Variants in PRH1 observed in about 807,000 individuals in gnomAD.
PRH1 encodes salivary acidic proline-rich phosphoprotein 1/2.
Under a neutral mutation model 7.9 loss-of-function variants are expected in PRH1, and 7 were observed. The ratio of observed to expected loss-of-function variants is 0.89; its 90% CI spans 0.50 to 1.67. The LOEUF (loss-of-function observed/expected upper bound fraction) is 1.67, where lower values mean the gene tolerates loss of function less well. PRH1 is among the 40% of genes most tolerant of loss of function. PRH1 has a pLI of 0.00. For missense variants in PRH1, 109 were observed against 223.6 expected (o/e 0.49, Z 3.27); for synonymous variants, 45 against 80.8 (o/e 0.56, Z 2.38).
At chr12:10,972,928 A>ATCCCCCCCCCCCCCCCCCCC (rs1555119295) in intron 2 of PRH1, among the ~76,000 whole-genome samples, 1 of 100,326 alleles carries the variant, frequency 1.0e-5, no homozygotes, top group African/African-American at 3.8e-5. Context: ...AAGCACCACA[A>ATCCCCCCCCCCCCCCCCCCC]CCCACCCCCC....
chr12:11,022,831 T>A lies in PRH1; in HGVS notation c.-126+24189A>T, dbSNP rs532593903. Among the ~76,000 whole-genome samples the A allele has an allele frequency of 5.3e-5, 8 of 151,258 alleles. No individual in the cohort carries two copies. The South Asian group carries it at 1.7e-3, about 31-fold the overall frequency. ...CTTCATATACATTCTCTCCTTGCTATATGCTGTACTTTTTTATACTGAGGT... is the reference window on the plus strand; with the variant it reads ...CTTCATATACATTCTCTCCTTGCTAAATGCTGTACTTTTTTATACTGAGGT... On this transcript the variant is annotated intron_variant, in intron 1 of 3. Transcript: ENST00000539853.
intron 2 of PRH1, chr12:10,908,364 T>C (rs1949836303): frequency 1.3e-6 from 2 of 1,593,226 alleles, no homozygotes; most frequent in Non-Finnish European, 1.7e-6. Context: ...GTGGTCTGAA[T>C]GGCTTATGAA....
Position 10,935,305 on chromosome 12 carries a change from C to G in PRH1, c.-59+38350G>C, listed in dbSNP as rs537734857. 6.7e-3 allele frequency among the ~76,000 whole-genome samples: 1,015 copies of G among 152,124 alleles called. 9 individuals are homozygous for G. The highest frequency in any genetic ancestry group is 0.011 in the Non-Finnish European group (732 of 67,988). ...ATTTTCTAATAATTAATTCTTGCTT[C>G]CTTCATTAATATTTATTAAGCTTAT... On this transcript the variant is annotated intron_variant, in intron 2 of 3. Coordinates refer to the PRH1 transcript ENST00000539853.
chr12:11,009,907 T>C (rs1191770170), intron 1 of PRH1, among the ~76,000 whole-genome samples: 1 of 151,966 alleles, frequency 6.6e-6, no homozygotes, highest in Non-Finnish European at 1.5e-5. Context: ...CTCTGTGACT[T>C]TGAACTCCAT....
chr12:10,997,990 T>C (rs550181698), intron 1 of PRH1: 2 of 657,192 alleles, frequency 3.0e-6, no homozygotes, highest in African/African-American at 3.6e-5. Flanking sequence ...CCAATAACAT[T>C]CTTTATACTT....
At chr12:11,112,972 G>A (rs989067502) in intron 1 of PRH1, among the ~76,000 whole-genome samples, 4 of 152,024 alleles carry the variant, frequency 2.6e-5, no homozygotes, top group African/African-American at 9.7e-5. Context: ...AAATCAACAT[G>A]CAAAATTCAC....
chr12:11,062,106 T>C (rs374434347), intron 1 of PRH1: 13 of 1,613,674 alleles, frequency 8.1e-6, no homozygotes, highest in African/African-American at 2.7e-5. Flanking sequence ...ACCAATTTAA[T>C]ACTAATACCC....
intron 2 of PRH1, among the ~76,000 whole-genome samples, chr12:10,896,408 CAA>C (rs1376406637): frequency 6.6e-6 from 1 of 152,086 alleles, no homozygotes; most frequent in Non-Finnish European, 1.5e-5. Flanking sequence ...ATAAAATATG[CAA>C]AGTTTAAGAA....
At chr12:11,011,867 T>C (rs2136043560) in intron 1 of PRH1, among the ~76,000 whole-genome samples, 1 of 152,208 alleles carries the variant, frequency 6.6e-6, no homozygotes, top group East Asian at 1.9e-4. Context: ...ATGCTCCTCA[T>C]GGATGGGAGG....
chr12:11,148,406 A>C lies in PRH1; in HGVS notation n.39+23016T>G, dbSNP rs1387764796. Among the ~76,000 whole-genome samples the C allele has an allele frequency of 6.8e-5, 10 of 147,710 alleles. No homozygotes were observed. The East Asian group carries it at 1.6e-3, about 23-fold the overall frequency. ...TGCTTCCAGTTTTTGCCCATTCAGTATGATATTGGCTGTGGGTCTGTCATA... is the reference window on the plus strand; with the variant it reads ...TGCTTCCAGTTTTTGCCCATTCAGTCTGATATTGGCTGTGGGTCTGTCATA... On this transcript the variant is annotated intron_variant and non_coding_transcript_variant, in intron 1 of 1. Coordinates refer to the PRH1 transcript ENST00000541175.
At chr12:10,913,229 G>A (rs1343604780) in intron 2 of PRH1, among the ~76,000 whole-genome samples, 3 of 152,236 alleles carry the variant, frequency 2.0e-5, no homozygotes, top group South Asian at 4.2e-4. Context: ...CGAGGCGGGT[G>A]GATCATGAGG....
chr12:10,912,584 T>C (rs904602904), intron 2 of PRH1, among the ~76,000 whole-genome samples: 1 of 152,094 alleles, frequency 6.6e-6, no homozygotes, highest in African/African-American at 2.4e-5. Context: ...CTTATATTGT[T>C]ATTTAATTAT....
intron 1 of PRH1, among the ~76,000 whole-genome samples, chr12:11,094,325 A>C (rs796386317): frequency 3.4e-5 from 3 of 87,090 alleles, no homozygotes; most frequent in African/African-American, 3.3e-5. Flanking sequence ...AAAAAAAAAA[A>C]CCCGACGTCA....
At chr12:11,168,256 GA>G (rs1287749416) in intron 1 of PRH1, among the ~76,000 whole-genome samples, 6 of 30,366 alleles carry the variant, frequency 2.0e-4, no homozygotes, top group African/African-American at 5.0e-4. Flanking sequence ...AAGAAAGAAA[GA>G]AAGAAAGAAA....
At position 11,092,345 on chromosome 12, in the gene PRH1, A is replaced by C; in HGVS notation, n.124-45157T>G. On this transcript the variant is annotated intron_variant and non_coding_transcript_variant, in intron 1 of 4. Coordinates refer to the PRH1 transcript ENST00000541977. ...AAGGGAGCCACTGACCTTCACGGTG[A>C]GTGTTGCTGCTCTTAAAGATGGTGT... is the stretch of plus-strand genomic sequence containing the variant. 2 of 361,418 alleles carry C rather than the reference A, an allele frequency of 5.5e-6. 1 individual carries two copies. The highest frequency in any genetic ancestry group is 1.0e-5 in the Non-Finnish European group (2 of 199,614). 22.4% of individuals were successfully genotyped at this position (361,418 alleles called of 1,614,324 possible).
chr12:11,074,087 C>G (rs368786082), intron 1 of PRH1, among the ~76,000 whole-genome samples: 38,865 of 109,336 alleles, frequency 0.36, 10,340 homozygotes, highest in Non-Finnish European at 0.45. Flanking sequence ...TCCCTTGACT[C>G]TCTCCTGTTC....
At chr12:10,959,803 G>T (rs557370966) in intron 2 of PRH1, among the ~76,000 whole-genome samples, 45 of 152,200 alleles carry the variant, frequency 3.0e-4, no homozygotes, top group African/African-American at 1.1e-3. Flanking sequence ...TACATTATCA[G>T]TAAGGAGACT....
chr12:10,982,377 T>C (rs926567176), intron 1 of PRH1, among the ~76,000 whole-genome samples: 3 of 152,240 alleles, frequency 2.0e-5, no homozygotes, highest in Admixed American at 1.3e-4. Flanking sequence ...GATTATAGGA[T>C]GAATGCACAT....
chr12:10,959,262 A>G (rs1036462787), intron 2 of PRH1, among the ~76,000 whole-genome samples: 1 of 152,176 alleles, frequency 6.6e-6, no homozygotes, highest in South Asian at 2.1e-4. Flanking sequence ...GGGGAAGAGC[A>G]GTATTTTGAT....
Sources: allele counts gnomAD v4.1 joint callset (sites outside exome capture counted in the v4.1 genomes callset), GRCh38; gene constraint gnomAD v4.1.1; transcripts MANE v1.5; gene names NCBI Gene and HGNC (gene_info 2026-07-23, HGNC 2026-07-21).